NHEJ1: variants seen among roughly 807,000 people sequenced by gnomAD.
NHEJ1 encodes the protein non-homologous end joining factor 1.
NHEJ1 carries 22 observed loss-of-function variants against 39.4 expected under a neutral mutation model. That is an observed-to-expected ratio of 0.56 (90% CI 0.40 to 0.80). The LOEUF (loss-of-function observed/expected upper bound fraction) is 0.80. Among genes scored for constraint, NHEJ1 ranks in the 30% least tolerant of loss-of-function variants. The probability of loss-of-function intolerance (pLI) is 0.00; values close to 1 mark genes in which losing one functional copy is unlikely to be tolerated. For missense variants in NHEJ1, 329 were observed against 357.1 expected (o/e 0.92, Z 0.63); for synonymous variants, 154 against 135.6 (o/e 1.14, Z -0.94).
chr2:219,156,496 G>A (rs1391108956), intron 3 of NHEJ1, among the ~76,000 whole-genome samples: 1 of 152,152 alleles, frequency 6.6e-6, no homozygotes, highest in Admixed American at 6.5e-5. Context: ...CAGAAAACTA[G>A]TCTTTAACGT....
At chr2:219,099,776 T>C (rs938705734) in intron 5 of NHEJ1, among the ~76,000 whole-genome samples, 1 of 151,902 alleles carries the variant, frequency 6.6e-6, no homozygotes, top group African/African-American at 2.4e-5. Flanking sequence ...AGAAAAGACA[T>C]GGGAAAAGTC....
At chr2:219,095,473 C>T in intron 5 of NHEJ1, 1 of 361,826 alleles carries the variant, frequency 2.8e-6, no homozygotes. Flanking sequence ...CTAATGGTCA[C>T]TTAATAGCTG....
intron 3 of NHEJ1, among the ~76,000 whole-genome samples, chr2:219,153,692 A>AGGGGGGGGGGGGGG (rs61240146): frequency 1.3e-5 from 1 of 79,420 alleles, no homozygotes; most frequent in African/African-American, 5.7e-5. Flanking sequence ...AAGAAAGAAA[A>AGGGGGGGGGGGGGG]GGGGGGGGGG....
chr2:219,079,106 T>A (rs41398145), intron 5 of NHEJ1, among the ~76,000 whole-genome samples: 2,748 of 152,326 alleles, frequency 0.018, 100 homozygotes, highest in African/African-American at 0.062. Flanking sequence ...TGTAGTTTCA[T>A]ACACTTGGCT....
chr2:219,106,424 C>T (rs1949314352), intron 5 of NHEJ1, among the ~76,000 whole-genome samples: 1 of 151,916 alleles, frequency 6.6e-6, no homozygotes, highest in Admixed American at 6.6e-5. Context: ...GTGTAAACAC[C>T]CAAGAGGGGA....
chr2:219,153,694 G>GT (rs200816471), intron 3 of NHEJ1, among the ~76,000 whole-genome samples: 4 of 67,272 alleles, frequency 5.9e-5, no homozygotes, highest in Admixed American at 4.4e-4. Flanking sequence ...GAAAGAAAAG[G>GT]GGGGGGGGGT....
At position 219,157,483 on chromosome 2, in the gene NHEJ1, T is replaced by A. The variant is rs751556179; in HGVS notation, c.379A>T (p.Ser127Cys). 1 of 1,613,694 alleles carries A rather than the reference T, an allele frequency of 6.2e-7. No homozygotes were observed. The highest frequency in any genetic ancestry group is 1.1e-5 in the South Asian group (1 of 91,066). ...CGAATTACACTTACCAGGGAAGGAC[T>A]AGCTAGCATGCAGTGGAAATTCCAA... ...FYWNFHCMLA[S>C]PSLVSQHLIR... Residue 127 changes from serine (S) to cysteine (C), a missense_variant, in exon 3 of 8, where the codon AGT (serine) becomes TGT (cysteine). Ser to Cys is a moderately radical substitution (Grantham distance 112, BLOSUM62 -1). Coordinates refer to ENST00000356853, the MANE Select transcript of NHEJ1 (RefSeq NM_024782.3).
At chr2:219,096,477 T>C (rs1030187352) in intron 5 of NHEJ1, among the ~76,000 whole-genome samples, 5 of 151,984 alleles carry the variant, frequency 3.3e-5, no homozygotes, top group Non-Finnish European at 1.5e-5. Context: ...ATCCCTGCCC[T>C]TGAGGAGCTT....
At chr2:219,139,236 T>C (rs539047068) in intron 5 of NHEJ1, among the ~76,000 whole-genome samples, 3 of 152,168 alleles carry the variant, frequency 2.0e-5, no homozygotes, top group Non-Finnish European at 2.9e-5. Context: ...TACAGGTGCA[T>C]GCCACCATGT....
At position 219,158,363 on chromosome 2, in the gene NHEJ1, C is replaced by T. The variant is rs1370965667; in HGVS notation, c.1-1G>A. 3.1e-6 allele frequency: 5 copies of T among 1,613,890 alleles called. No homozygotes were observed. The highest frequency in any genetic ancestry group is 1.1e-5 in the South Asian group (1 of 91,092). On this transcript the variant is annotated splice_acceptor_variant, in intron 1 of 7. Coordinates refer to ENST00000356853, the MANE Select transcript of NHEJ1 (RefSeq NM_024782.3). LOFTEE classifies it low-confidence loss of function (5UTR_SPLICE). ...ACAGGCCTTGCTCCAGTTCTTCCATCTGCAAAAAAGTCCTCATTTAGTAAA... is the reference window on the plus strand; with the variant it reads ...ACAGGCCTTGCTCCAGTTCTTCCATTTGCAAAAAAGTCCTCATTTAGTAAA...
At chr2:219,095,324 G>A (rs775584802) in intron 5 of NHEJ1, 6 of 470,902 alleles carry the variant, frequency 1.3e-5, no homozygotes, top group South Asian at 7.7e-5. Flanking sequence ...CCAATATGCC[G>A]GGTCTCCAGT....
Position 219,157,672 on chromosome 2 carries a change from G to A in NHEJ1, c.190C>T (p.Arg64Trp). 4 of 1,613,136 alleles carry A rather than the reference G, an allele frequency of 2.5e-6. No individual in the cohort carries two copies. The highest frequency in any genetic ancestry group is 2.2e-5 in the East Asian group (1 of 44,878). Reference sequence around the variant, plus strand: ...AAAGCTGCAGGAGGAGCAGTGAGCCGCTTGTTCAGCTCCTAAAGAGAGAGC... The same window carrying A: ...AAAGCTGCAGGAGGAGCAGTGAGCCACTTGTTCAGCTCCTAAAGAGAGAGC... ...VSQRAKELNK[R>W]LTAPPAAFLC... The change falls in exon 3 of 8, where the codon CGG becomes TGG. Residue 64 changes from arginine to tryptophan, a missense_variant. Physicochemically the swap from Arg to Trp is moderately radical, Grantham distance 101. Coordinates refer to ENST00000356853, the MANE Select transcript of NHEJ1 (RefSeq NM_024782.3).
At chr2:219,122,358 A>G (rs889427185) in intron 5 of NHEJ1, among the ~76,000 whole-genome samples, 2 of 152,326 alleles carry the variant, frequency 1.3e-5, no homozygotes, top group Non-Finnish European at 2.9e-5. Flanking sequence ...CTTTGGTAAG[A>G]TAAGTGTGTG....
chr2:219,160,553 A>C (rs1004201482), intron 1 of NHEJ1, 167 bp downstream of exon 1: 3 of 152,106 alleles, frequency 2.0e-5, no homozygotes, highest in Non-Finnish European at 4.4e-5. Context: ...CAGCCAGCGG[A>C]CTGCGCACGC....
Position 219,158,212 on chromosome 2 carries a change from T to A in NHEJ1, c.151A>T (p.Thr51Ser). The A allele has an allele frequency of 6.2e-7, 1 of 1,614,200 alleles. No homozygotes were observed. The highest frequency in any genetic ancestry group is 8.5e-7 in the Non-Finnish European group (1 of 1,180,024). The change falls in exon 2 of 8, where the codon ACT becomes TCT. Residue 51 changes from threonine (T) to serine (S), a missense_variant. Coordinates refer to ENST00000356853, the MANE Select transcript of NHEJ1 (RefSeq NM_024782.3). ...TTGGCTCGCTGGCTGACCACACTAG[T>A]GTCCACCTGTTCATGCCACACCTGT... ...LQQVWHEQVD[T>S]SVVSQRAKEL...
At chr2:219,147,504 G>A (rs191618905) in intron 4 of NHEJ1, among the ~76,000 whole-genome samples, 153 bp downstream of exon 4, 1 of 152,236 alleles carries the variant, frequency 6.6e-6, no homozygotes, top group East Asian at 1.9e-4. Context: ...ACAAAAAAGA[G>A]TCACCTAATA....
At chr2:219,077,220 C>A in intron 7 of NHEJ1, 26 bp downstream of exon 7, 2 of 1,559,572 alleles carry the variant, frequency 1.3e-6, no homozygotes, top group Admixed American at 1.7e-5. Context: ...CTCAGAACAC[C>A]ATCCAGGAAG....
intron 3 of NHEJ1, among the ~76,000 whole-genome samples, chr2:219,151,127 CAAA>C (rs59576120): frequency 3.6e-5 from 2 of 55,988 alleles, no homozygotes; most frequent in Non-Finnish European, 3.4e-5. Flanking sequence ...GACCTTATCT[CAAA>C]AAAAAAAAAA....
intron 5 of NHEJ1, among the ~76,000 whole-genome samples, chr2:219,104,586 G>A (rs139186500): frequency 4.7e-4 from 71 of 152,152 alleles, no homozygotes; most frequent in East Asian, 1.5e-3. Context: ...CATAATAAAC[G>A]AAGAGAACAA....
Sources: gnomAD v4.1 joint callset for allele counts (sites outside exome capture counted in the v4.1 genomes callset) on GRCh38, gnomAD v4.1.1 for gene constraint, MANE v1.5 for transcripts, NCBI Gene and HGNC (gene_info 2026-07-23, HGNC 2026-07-21) for gene names.